The following MRTFA variants were observed in gnomAD, a reference collection of about 807,000 sequenced individuals.
MRTFA encodes the protein myocardin related transcription factor A.
In MRTFA, 20 loss-of-function variants were observed where a neutral mutation model predicts 83.5. The observed-to-expected ratio is 0.24, with a 90% CI of 0.17 to 0.35. The LOEUF is 0.35. MRTFA is among the 10% of genes least tolerant of loss of function. The pLI is 1.00. For synonymous variants in MRTFA, 659 were observed against 541.2 expected (o/e 1.22, Z -3.02); for missense variants, 1,200 against 1,224.7 (o/e 0.98, Z 0.30).
At position 40,429,706 on chromosome 22, in the gene MRTFA, G is replaced by C. The variant is rs558812858; in HGVS notation, c.501C>G (p.Ala167=). ...GTGCAATCTTCTCATTGAGGTCATC[G>C]GCTAGTCTGGCTCTCTTCAGCTTCA... Residue 167 remains alanine, a synonymous_variant, in exon 7 of 15, where the codon GCC becomes GCG. Transcript: ENST00000355630. 1.2e-5 allele frequency: 20 copies of C among 1,614,024 alleles called. No homozygotes were observed. Among genetic ancestry groups the C allele is most frequent in the Non-Finnish European group, 1.7e-5 (20 of 1,180,004 alleles).
intron 2 of MRTFA, among the ~76,000 whole-genome samples, chr22:40,560,598 C>T (rs1044516212): frequency 2.0e-5 from 3 of 152,188 alleles, no homozygotes; most frequent in Non-Finnish European, 4.4e-5. Flanking sequence ...AAACCTGAAT[C>T]ACTTTTTAGA....
rs548111387 is a variant in MRTFA, at chr22:40,425,276, G to A, written c.602-895C>T. On this transcript the variant is annotated intron_variant, in intron 7 of 14. Transcript: ENST00000355630. ...GGCTATTTCAAGAGTCACTGTCAGA[G>A]CCACCGGCTCAACACTGTCGTGGGA... Among the ~76,000 whole-genome samples the A allele has an allele frequency of 3.3e-5, 5 of 151,940 alleles. No homozygotes were observed. The South Asian group carries it at 1.0e-3, about 32-fold the overall frequency.
intron 3 of MRTFA, among the ~76,000 whole-genome samples, chr22:40,465,791 C>T (rs2053803966): frequency 6.6e-6 from 1 of 151,890 alleles, no homozygotes; most frequent in Admixed American, 6.6e-5. Context: ...TCTTGAACTC[C>T]TGGGCTGAAG....
chr22:40,580,189 T>C (rs1328642627), intron 2 of MRTFA, among the ~76,000 whole-genome samples: 1 of 152,100 alleles, frequency 6.6e-6, no homozygotes, highest in Non-Finnish European at 1.5e-5. Flanking sequence ...AACTCACCCA[T>C]GTGATTTTTT....
chr22:40,410,748 TGGGA>T lies in MRTFA; in HGVS notation c.*638_*641del, dbSNP rs2052494606. 1.7e-5 allele frequency: 4 copies of T among 232,770 alleles called. No homozygotes were observed. The highest frequency in any genetic ancestry group is 1.7e-4 in the Admixed American group (3 of 17,758). 14.4% of individuals were successfully genotyped at this position (232,770 alleles called of 1,614,324 possible). On this transcript the variant is annotated 3_prime_UTR_variant, in exon 15 of 15. Coordinates refer to ENST00000355630, the MANE Select transcript of MRTFA (RefSeq NM_020831.6). The stretch of plus-strand genomic sequence containing the variant: ...TCCAGGCCCTTCTGTGAGAGTAGGA[TGGGA>T]GGGAGTTGCACCCATCTCCTGTCCG...
At chr22:40,447,313 A>T (rs910125202) in intron 4 of MRTFA, among the ~76,000 whole-genome samples, 1 of 151,944 alleles carries the variant, frequency 6.6e-6, no homozygotes, top group African/African-American at 2.4e-5. Flanking sequence ...AGACTGAGCC[A>T]CTGCTCTCCA....
At chr22:40,487,372 A>C (rs984659135) in intron 3 of MRTFA, among the ~76,000 whole-genome samples, 2 of 152,192 alleles carry the variant, frequency 1.3e-5, no homozygotes, top group African/African-American at 4.8e-5. Flanking sequence ...ATCTCATTTG[A>C]CCCTATGAGC....
At chr22:40,512,955 TTTATG>T (rs1415716176) in intron 3 of MRTFA, among the ~76,000 whole-genome samples, 1 of 152,240 alleles carries the variant, frequency 6.6e-6, no homozygotes, top group Non-Finnish European at 1.5e-5. Flanking sequence ...TAAATTTTAT[TTTATG>T]TAACTATTTT....
chr22:40,437,405 C>A (rs546250897), intron 4 of MRTFA, among the ~76,000 whole-genome samples: 1 of 152,204 alleles, frequency 6.6e-6, no homozygotes, highest in African/African-American at 2.4e-5. Context: ...CCCACCCCAG[C>A]TTCCTTTTCT....
intron 1 of MRTFA, among the ~76,000 whole-genome samples, chr22:40,626,971 A>G (rs891523604): frequency 6.6e-6 from 1 of 152,084 alleles, no homozygotes; most frequent in Non-Finnish European, 1.5e-5. Context: ...GCATTCTAAA[A>G]TATTAGGAAA....
intron 1 of MRTFA, among the ~76,000 whole-genome samples, chr22:40,597,177 A>T (rs1480250881): frequency 1.3e-5 from 2 of 152,190 alleles, no homozygotes; most frequent in Non-Finnish European, 2.9e-5. Context: ...CCTGGCAAGT[A>T]ACAGGTGCTC....
In MRTFA at chr22:40,411,605, T is replaced by C. The variant is rs777167780; in HGVS notation, c.2881A>G (p.Met961Val). Residue 961 changes from methionine to valine, a missense_variant, in exon 15 of 15, where the codon ATG (methionine) becomes GTG (valine). Coordinates refer to ENST00000355630, the MANE Select transcript of MRTFA (RefSeq NM_020831.6). ...ACAAAGTGCAATTCCGAGGTGTCCA[T>C]GGGTGACGGGGGGTGGTCCAGGATG... 1.2e-6 allele frequency: 2 copies of C among 1,613,808 alleles called. No homozygotes were observed. Among genetic ancestry groups the C allele is most frequent in the South Asian group, 1.1e-5 (1 of 91,026 alleles).
intron 3 of MRTFA, among the ~76,000 whole-genome samples, chr22:40,504,601 A>G (rs2054550486): frequency 6.6e-6 from 1 of 152,212 alleles, no homozygotes; most frequent in Non-Finnish European, 1.5e-5. Context: ...TTATTTTCTG[A>G]AACTAGATCT....
chr22:40,426,899 T>C (rs867062686), intron 7 of MRTFA, among the ~76,000 whole-genome samples: 5 of 152,188 alleles, frequency 3.3e-5, no homozygotes, highest in Admixed American at 2.0e-4. Flanking sequence ...TCCATCATCG[T>C]GTGTGATCCT....
At chr22:40,595,337 G>C (rs2056176956) in intron 1 of MRTFA, among the ~76,000 whole-genome samples, 1 of 151,562 alleles carries the variant, frequency 6.6e-6, no homozygotes, top group South Asian at 2.1e-4. Flanking sequence ...TGGCCAGGAT[G>C]GTCTCGATCT....
chr22:40,468,496 C>T (rs1489156606), intron 3 of MRTFA, among the ~76,000 whole-genome samples: 1 of 152,176 alleles, frequency 6.6e-6, no homozygotes, highest in African/African-American at 2.4e-5. Flanking sequence ...CCAGCTAAGT[C>T]CTCTCAAGGA....
intron 4 of MRTFA, among the ~76,000 whole-genome samples, chr22:40,441,712 G>C (rs2053278223): frequency 6.6e-6 from 1 of 151,776 alleles, no homozygotes; most frequent in East Asian, 1.9e-4. Flanking sequence ...GCTTAAACCT[G>C]GGAGGCGAAG....
chr22:40,423,607 G>A lies in MRTFA; in HGVS notation c.856C>T (p.Pro286Ser), dbSNP rs1408897114. Reference sequence around the variant, plus strand: ...TTGGTGAGGCTGGGAGGCAGCAGAGGTGGGGGAGGCAGAGGAGGCTGCTCT... The same window carrying A: ...TTGGTGAGGCTGGGAGGCAGCAGAGATGGGGGAGGCAGAGGAGGCTGCTCT... Residue 286 changes from proline (P) to serine (S), a missense_variant, in exon 9 of 15, where the codon CCT becomes TCT. Physicochemically the swap from Pro to Ser is moderately conservative, Grantham distance 74. This residue lies in a region of MRTFA where 1,107 missense variants were observed against 1,041.8 expected (regional missense o/e 1.06). Transcript: ENST00000355630. 2.5e-6 allele frequency: 4 copies of A among 1,599,466 alleles called. No individual in the cohort carries two copies. Among genetic ancestry groups the A allele is most frequent in the South Asian group, 2.3e-5 (2 of 88,862 alleles).
intron 3 of MRTFA, among the ~76,000 whole-genome samples, chr22:40,517,223 C>T (rs190306361): frequency 9.2e-5 from 14 of 152,174 alleles, no homozygotes; most frequent in Admixed American, 2.0e-4. Context: ...GTGCCTGGCC[C>T]CTTAAAATAC....
Sources: gnomAD v4.1 joint callset for allele counts (sites outside exome capture counted in the v4.1 genomes callset) on GRCh38, gnomAD v4.1.1 for gene constraint, gnomAD v4.1.1 regional missense constraint, MANE v1.5 for transcripts, NCBI Gene and HGNC (gene_info 2026-07-23, HGNC 2026-07-21) for gene names.